TMPRSS11B: variants seen among roughly 807,000 people sequenced by gnomAD.
TMPRSS11B encodes transmembrane protease serine 11B.
In TMPRSS11B, 53 loss-of-function variants were observed where a neutral mutation model predicts 44.7. That is an observed-to-expected ratio of 1.19 (90% CI 0.95 to 1.49). The LOEUF (loss-of-function observed/expected upper bound fraction) is 1.49, where lower values mean the gene tolerates loss of function less well. TMPRSS11B is among the 40% of genes most tolerant of loss of function. The pLI is 0.00. For missense variants in TMPRSS11B, 526 were observed against 494.8 expected (o/e 1.06, Z -0.60); for synonymous variants, 140 against 159.2 (o/e 0.88, Z 0.91).
rs768699910 is a variant in TMPRSS11B at position 68,227,807 on chromosome 4, A to G, written c.*104T>C. 1.5e-6 allele frequency: 1 copy of G among 670,868 alleles called. No individual in the cohort carries two copies. Among genetic ancestry groups the G allele is most frequent in the Non-Finnish European group, 2.1e-6 (1 of 470,808 alleles). 41.6% of individuals were successfully genotyped at this position (670,868 alleles called of 1,614,324 possible). A position where few individuals can be genotyped will look rare whatever the true frequency, so the allele number is the denominator to read the frequency against. The stretch of plus-strand genomic sequence containing the variant: ...AAAGACATTTATATTTTTATATATA[A>G]TAAAATGATTAGTTTACCAACAATC... On this transcript the variant is annotated 3_prime_UTR_variant, in exon 10 of 10. Coordinates refer to ENST00000332644, the MANE Select transcript of TMPRSS11B (RefSeq NM_182502.3).
chr4:68,239,827 G>A (rs1719775793), intron 2 of TMPRSS11B, among the ~76,000 whole-genome samples: 1 of 152,152 alleles, frequency 6.6e-6, no homozygotes, highest in African/African-American at 2.4e-5. Context: ...CCTAAGGGTA[G>A]GGCCTAGAGA....
At chr4:68,240,950 G>A (rs1719805378) in intron 2 of TMPRSS11B, among the ~76,000 whole-genome samples, 1 of 151,972 alleles carries the variant, frequency 6.6e-6, no homozygotes, top group South Asian at 2.1e-4. Context: ...AAGCTTTTAA[G>A]CAAGCTATGC....
At chr4:68,237,818 C>A (rs535915145) in intron 2 of TMPRSS11B, among the ~76,000 whole-genome samples, 8 of 152,198 alleles carry the variant, frequency 5.3e-5, no homozygotes, top group African/African-American at 1.9e-4. Flanking sequence ...GGGTTCAAGA[C>A]CAGCCTGGAC....
chr4:68,231,779 T>C (rs1488161804), intron 6 of TMPRSS11B: 1 of 158,132 alleles, frequency 6.3e-6, no homozygotes, highest in Non-Finnish European at 1.4e-5. Context: ...TGCATAAATG[T>C]ATCTTGTGGA....
intron 9 of TMPRSS11B, 42 bp downstream of exon 9, chr4:68,228,700 A>G: frequency 6.4e-7 from 1 of 1,555,782 alleles, no homozygotes; most frequent in African/African-American, 1.4e-5. Context: ...CTTCCATTTG[A>G]TTAACTGGGA....
At chr4:68,230,602 G>A (rs926055391) in intron 7 of TMPRSS11B, among the ~76,000 whole-genome samples, 4 of 151,988 alleles carry the variant, frequency 2.6e-5, no homozygotes, top group East Asian at 1.9e-4. Flanking sequence ...TCAGGAGTTC[G>A]AGACCAGCCT....
rs887331946 is a variant in TMPRSS11B at position 68,232,008 on chromosome 4, T to C, written c.508+370A>G. ...CAAAAAATAATAATAATTTTTAAGATGCAGAACTGTTTTTATCTTTAATAA... is the reference window on the plus strand; with the variant it reads ...CAAAAAATAATAATAATTTTTAAGACGCAGAACTGTTTTTATCTTTAATAA... On this transcript the variant is annotated intron_variant, in intron 6 of 9. Coordinates refer to ENST00000332644, the MANE Select transcript of TMPRSS11B (RefSeq NM_182502.3). The C allele has an allele frequency of 3.1e-5, 5 of 159,354 alleles. No individual in the cohort carries two copies. In the East Asian group the frequency reaches 5.4e-4, roughly 17 times the overall value. 9.9% of individuals were successfully genotyped at this position (159,354 alleles called of 1,614,324 possible).
chr4:68,230,450 G>T (rs986935840), intron 7 of TMPRSS11B, among the ~76,000 whole-genome samples: 8 of 152,090 alleles, frequency 5.3e-5, no homozygotes, highest in African/African-American at 1.9e-4. Flanking sequence ...TGGATGGCAA[G>T]ACAAGGAAGC....
chr4:68,235,405 T>C (rs976584518), intron 4 of TMPRSS11B, among the ~76,000 whole-genome samples: 3 of 152,142 alleles, frequency 2.0e-5, no homozygotes, highest in Admixed American at 6.6e-5. Context: ...CCAGAACTGA[T>C]ATTAACAATT....
Position 68,238,633 on chromosome 4 carries a change from G to A in TMPRSS11B, c.125-2367C>T, listed in dbSNP as rs575691495. Among the ~76,000 whole-genome samples, 28 of 151,984 alleles carry A rather than the reference G, an allele frequency of 1.8e-4. 1 individual carries two copies. The highest frequency in any genetic ancestry group is 1.2e-3 in the Admixed American group (18 of 15,254). On this transcript the variant is annotated intron_variant, in intron 2 of 9. Transcript: ENST00000332644. ...TCCCAGCTACTTGAGAGGCTGAGGCGGGAGAATTGCTTGAATCTGGGAGGC... is the reference window on the plus strand; with the variant it reads ...TCCCAGCTACTTGAGAGGCTGAGGCAGGAGAATTGCTTGAATCTGGGAGGC...
intron 2 of TMPRSS11B, among the ~76,000 whole-genome samples, chr4:68,237,572 T>C (rs1190374699): frequency 6.6e-6 from 1 of 152,194 alleles, no homozygotes; most frequent in African/African-American, 2.4e-5. Context: ...TGTAAAAGCA[T>C]GGTGCCCTTT....
At chr4:68,234,026 G>A (rs1279755482) in intron 5 of TMPRSS11B, among the ~76,000 whole-genome samples, 1 of 151,906 alleles carries the variant, frequency 6.6e-6, no homozygotes, top group African/African-American at 2.4e-5. Flanking sequence ...AAAAAAATTA[G>A]CCAGGTGTGG....
chr4:68,242,222 A>C (rs1719849218), intron 1 of TMPRSS11B, among the ~76,000 whole-genome samples: 1 of 7,476 alleles, frequency 1.3e-4, no homozygotes, highest in Non-Finnish European at 5.3e-4. Flanking sequence ...ATATAATATT[A>C]TATTATATTA....
intron 2 of TMPRSS11B, among the ~76,000 whole-genome samples, chr4:68,237,085 A>T (rs1719692365): frequency 6.6e-6 from 1 of 151,808 alleles, no homozygotes; most frequent in Admixed American, 6.6e-5. Flanking sequence ...CTATCCCTCC[A>T]CTAGTGCCTC....
rs542113732 is a variant in TMPRSS11B, at chr4:68,228,673, T to A, written c.1089+69A>T. ...GTCAGTATTATTAACACAAAAAAAA[T>A]TTTATGTGGATAAAAACTTCCATTT... On this transcript the variant is annotated intron_variant, in intron 9 of 9. Transcript: ENST00000332644. 1,427 of 1,520,656 alleles carry A rather than the reference T, an allele frequency of 9.4e-4. 12 individuals are homozygous for A. The African/African-American group carries it at 0.017, about 18-fold the overall frequency. The allele number at this position is 1,520,656 out of a possible 1,614,324, so 94.2% of individuals were successfully genotyped here.
At chr4:68,228,987 A>G (rs1421124749) in intron 8 of TMPRSS11B, 103 bp from the exon 9 acceptor site, 4 of 1,261,010 alleles carry the variant, frequency 3.2e-6, no homozygotes, top group Non-Finnish European at 4.4e-6. Context: ...ACCAAGAGTC[A>G]GGCCAGTCCC....
intron 1 of TMPRSS11B, among the ~76,000 whole-genome samples, chr4:68,242,320 TATATAATATTATATTA>T (rs1719870267): frequency 1.5e-5 from 1 of 67,922 alleles, no homozygotes. Flanking sequence ...TAATATTATA[TATATAATATTATATTA>T]TATATATATT....
chr4:68,244,351 A>G (rs1719942973), intron 1 of TMPRSS11B, among the ~76,000 whole-genome samples: 1 of 152,170 alleles, frequency 6.6e-6, no homozygotes, highest in South Asian at 2.1e-4. Context: ...CTGGCTGCAC[A>G]TGGTGACTCA....
chr4:68,240,226 C>T (rs530457844), intron 2 of TMPRSS11B, among the ~76,000 whole-genome samples: 14 of 152,258 alleles, frequency 9.2e-5, no homozygotes, highest in Admixed American at 7.9e-4. Context: ...TTAAGTTATT[C>T]TCAATATTAA....
Sources: gnomAD v4.1 joint callset for allele counts (sites outside exome capture counted in the v4.1 genomes callset) on GRCh38, gnomAD v4.1.1 for gene constraint, MANE v1.5 for transcripts, NCBI Gene and HGNC (gene_info 2026-07-23, HGNC 2026-07-21) for gene names.